LRRC37A: variants seen among roughly 807,000 people sequenced by gnomAD.
The protein encoded by LRRC37A is leucine-rich repeat-containing protein 37A.
Under a neutral mutation model 35.4 loss-of-function variants are expected in LRRC37A, and 3 were observed. The observed-to-expected ratio is 0.08, with a 90% CI of 0.04 to 0.22. The LOEUF is 0.22. Among genes scored for constraint, LRRC37A ranks in the 10% least tolerant of loss-of-function variants. LRRC37A has a pLI of 1.00. For missense variants in LRRC37A, 67 were observed against 565.3 expected (o/e 0.12, Z 8.94); for synonymous variants, 23 against 215.0 (o/e 0.11, Z 7.81).
chr17:46,254,564 C>T, the LRRC37A span, among the ~76,000 whole-genome samples: 599 of 148,594 alleles, frequency 4.0e-3, 5 homozygotes, highest in African/African-American at 0.014. Context: ...TTTTTTGAGA[C>T]GCAGTCTCAT....
At chr17:46,264,475 C>T in the LRRC37A span, among the ~76,000 whole-genome samples, 2 of 152,324 alleles carry the variant, frequency 1.3e-5, no homozygotes, top group East Asian at 1.9e-4. Flanking sequence ...GTGACAAACT[C>T]CCTGGGCTCT....
chr17:46,267,244 G>A, the LRRC37A span: 7 of 812,006 alleles, frequency 8.6e-6, no homozygotes, highest in Middle Eastern at 7.7e-4. Flanking sequence ...ACCCATGCGG[G>A]CCGTTTCGCT....
chr17:46,292,113 C>T (rs1445073671), upstream of LRRC37A, among the ~76,000 whole-genome samples: 1 of 141,240 alleles, frequency 7.1e-6, no homozygotes, highest in African/African-American at 2.6e-5. Flanking sequence ...GGGAGGATCA[C>T]TTGAGGTCAG....
chr17:46,330,614 G>T lies in LRRC37A; in HGVS notation c.3337G>T (p.Glu1113Ter). Residue 1113 changes from glutamate to a stop codon, truncating the protein, a stop_gained, in exon 9 of 14, where the codon GAG (glutamate) becomes TAG (stop). Transcript: ENST00000320254. LOFTEE classifies it high-confidence loss of function. ...GAGTGAGCAGCTAGACACCAATGAC[G>T]AGAGTGATTTTATCAGTACACTAAG... 8.5e-6 allele frequency: 2 copies of T among 235,138 alleles called. No homozygotes were observed. Among genetic ancestry groups the T allele is most frequent in the Non-Finnish European group, 1.6e-5 (2 of 121,996 alleles). The allele number at this position is 235,138 out of a possible 1,614,324, so 14.6% of individuals were successfully genotyped here.
At chr17:46,257,298 A>C in the LRRC37A span, among the ~76,000 whole-genome samples, 2 of 151,906 alleles carry the variant, frequency 1.3e-5, no homozygotes, top group African/African-American at 4.8e-5. Context: ...AATACAAAAA[A>C]TTAGCTGGGT....
the LRRC37A span, among the ~76,000 whole-genome samples, chr17:46,262,095 G>A: frequency 0.13 from 19,991 of 151,024 alleles, 1,361 homozygotes; most frequent in East Asian, 0.3. Flanking sequence ...GACTACAGGC[G>A]AGCACCATCA....
the LRRC37A span, among the ~76,000 whole-genome samples, chr17:46,260,783 C>T: frequency 6.6e-6 from 1 of 152,176 alleles, no homozygotes; most frequent in Non-Finnish European, 1.5e-5. Context: ...GCCACCATGC[C>T]TGGCTAATTT....
chr17:46,262,069 C>T, the LRRC37A span, among the ~76,000 whole-genome samples: 588 of 152,310 alleles, frequency 3.9e-3, 3 homozygotes, highest in African/African-American at 0.013. Flanking sequence ...CCTGTCTCAG[C>T]CTCCTGAGCA....
chr17:46,268,775 C>T, the LRRC37A span: 1 of 1,046,670 alleles, frequency 9.6e-7, no homozygotes, highest in African/African-American at 1.8e-5. Flanking sequence ...AATGGGTCCT[C>T]CTTTAGAAGA....
the LRRC37A span, among the ~76,000 whole-genome samples, chr17:46,259,142 C>CA: frequency 6.2e-5 from 9 of 145,724 alleles, no homozygotes; most frequent in African/African-American, 2.1e-4. Context: ...GTGGTGGAGG[C>CA]AAAGGGCAGA....
At chr17:46,291,969 C>CAAAAA (rs59554870), upstream of LRRC37A, among the ~76,000 whole-genome samples, 147 of 58,016 alleles carry the variant, frequency 2.5e-3, no homozygotes, top group Admixed American at 3.8e-3. Context: ...TCTCAAAAAG[C>CAAAAA]AAAAAAAAAA....
At chr17:46,290,236 C>T (rs1182906504), upstream of LRRC37A, among the ~76,000 whole-genome samples, 3 of 152,190 alleles carry the variant, frequency 2.0e-5, no homozygotes, top group East Asian at 1.9e-4. Flanking sequence ...GTCAAGCAGT[C>T]CCCTGGCCTC....
At chr17:46,268,152 C>T in the LRRC37A span, among the ~76,000 whole-genome samples, 3 of 152,102 alleles carry the variant, frequency 2.0e-5, no homozygotes, top group Non-Finnish European at 2.9e-5. Context: ...GGGCTGGTTA[C>T]GTATTGCTTT....
chr17:46,291,658 T>C (rs906804102), upstream of LRRC37A, among the ~76,000 whole-genome samples: 2 of 152,148 alleles, frequency 1.3e-5, no homozygotes, highest in Non-Finnish European at 2.9e-5. Context: ...CGGTGGCTCA[T>C]GCCTATAATC....
At chr17:46,288,706 C>CTTTTTCTTTTT (rs2049986373), upstream of LRRC37A, among the ~76,000 whole-genome samples, 1 of 139,060 alleles carries the variant, frequency 7.2e-6, no homozygotes, top group Non-Finnish European at 1.6e-5. Context: ...CTTGTTTTTT[C>CTTTTTCTTTTT]TTTTTTTTTT....
At chr17:46,280,734 C>G in the LRRC37A span, among the ~76,000 whole-genome samples, 30 of 152,200 alleles carry the variant, frequency 2.0e-4, no homozygotes, top group Admixed American at 5.2e-4. Context: ...CCACTATGCC[C>G]GCCTAAGTAT....
chr17:46,258,426 G>T, the LRRC37A span, among the ~76,000 whole-genome samples: 1 of 152,134 alleles, frequency 6.6e-6, no homozygotes, highest in Non-Finnish European at 1.5e-5. Context: ...GGCCAGGATG[G>T]TCTTGATCTC....
the LRRC37A span, among the ~76,000 whole-genome samples, chr17:46,266,004 C>T: frequency 3.9e-5 from 6 of 151,954 alleles, no homozygotes; most frequent in African/African-American, 1.5e-4. Context: ...GGCTGAGGCA[C>T]GAGAATCGCT....
chr17:46,250,058 A>C, the LRRC37A span, among the ~76,000 whole-genome samples: 1 of 152,138 alleles, frequency 6.6e-6, no homozygotes, highest in Non-Finnish European at 1.5e-5. Context: ...CGGCCTCCCA[A>C]AGTGCTGGGA....
Sources: allele counts gnomAD v4.1 joint callset (sites outside exome capture counted in the v4.1 genomes callset), GRCh38; gene constraint gnomAD v4.1.1; transcripts MANE v1.5; gene names NCBI Gene and HGNC (gene_info 2026-07-23, HGNC 2026-07-21).